LRRK1: variants seen among roughly 807,000 people sequenced by gnomAD.
LRRK1 encodes the protein leucine-rich repeat serine/threonine-protein kinase 1.
A neutral mutation model predicts 209.1 loss-of-function variants in LRRK1; 113 were observed. The observed-to-expected ratio is 0.54, with a 90% CI of 0.46 to 0.63. The LOEUF (loss-of-function observed/expected upper bound fraction) is 0.63. LRRK1 is among the 30% of genes least tolerant of loss of function. The pLI is 0.00. For missense variants in LRRK1, 2,284 were observed against 2,632.2 expected (o/e 0.87, Z 2.89); for synonymous variants, 1,144 against 1,099.7 (o/e 1.04, Z -0.80).
intron 6 of LRRK1, 137 bp from the exon 7 acceptor site, chr15:101,008,700 A>G: frequency 3.0e-6 from 2 of 676,162 alleles, no homozygotes; most frequent in Non-Finnish European, 5.2e-6. Context: ...GCCGAGAAGG[A>G]CATGTGCAGG....
At position 101,021,775 on chromosome 15, in the gene LRRK1, C is replaced by CGT. The variant is rs3031683; in HGVS notation, c.1740-33_1740-32dup. On this transcript the variant is annotated intron_variant, in intron 13 of 33. Coordinates refer to ENST00000388948, the MANE Select transcript of LRRK1 (RefSeq NM_024652.6). The stretch of plus-strand genomic sequence containing the variant: ...GAGGCTGACAGGAGCCACGTGTGTG[C>CGT]GTGTGTGTGTGTGTGTGTGTGTGTG... 8.7e-4 allele frequency: 743 copies of CGT among 856,986 alleles called. 5 individuals are homozygous for CGT. The African/African-American group carries it at 0.011, about 13-fold the overall frequency. 53.1% of individuals were successfully genotyped at this position (856,986 alleles called of 1,614,324 possible). A position where few individuals can be genotyped will look rare whatever the true frequency, so the allele number is the denominator to read the frequency against.
rs142994893 is a variant in LRRK1, at chr15:101,058,526, A to G, written c.4679+385A>G. ...CATCTTTTAAAAAATTAGAAAATTT[A>G]AAACATTTTTAAAAACGAAATGAGG... On this transcript the variant is annotated intron_variant, in intron 29 of 33. Transcript: ENST00000388948. 3.2e-4 allele frequency among the ~76,000 whole-genome samples: 48 copies of G among 149,012 alleles called. No individual in the cohort carries two copies. In the East Asian group the frequency reaches 8.0e-3, roughly 25 times the overall value.
chr15:101,066,533 C>G lies in LRRK1; in HGVS notation c.5769-107C>G, dbSNP rs374696194. On this transcript the variant is annotated intron_variant, in intron 32 of 33. Coordinates refer to ENST00000388948, the MANE Select transcript of LRRK1 (RefSeq NM_024652.6). ...CCATAACTTAATCCCTTAGCAGAAACTGCATGTCTGTTGCCTCCCTCCCGC... is the reference window on the plus strand; with the variant it reads ...CCATAACTTAATCCCTTAGCAGAAAGTGCATGTCTGTTGCCTCCCTCCCGC... 8.0e-6 allele frequency: 8 copies of G among 1,001,244 alleles called. 1 individual carries two copies. The highest frequency in any genetic ancestry group is 2.1e-4 in the Middle Eastern group (1 of 4,764). The allele number at this position is 1,001,244 out of a possible 1,614,324, so 62.0% of individuals were successfully genotyped here.
At chr15:101,010,369 C>A in intron 7 of LRRK1, 81 bp from the exon 8 acceptor site, 2 of 1,502,682 alleles carry the variant, frequency 1.3e-6, no homozygotes, top group South Asian at 1.3e-5. Flanking sequence ...AAAAATACAC[C>A]TCTTGGTTTA....
At chr15:101,058,503 T>C (rs1387095217) in intron 29 of LRRK1, among the ~76,000 whole-genome samples, 1 of 151,408 alleles carries the variant, frequency 6.6e-6, no homozygotes. Flanking sequence ...CAAGACCCCA[T>C]CTTTTAAAAA....
At chr15:101,044,824 C>T (rs527372191) in intron 20 of LRRK1, among the ~76,000 whole-genome samples, 7 of 152,308 alleles carry the variant, frequency 4.6e-5, no homozygotes, top group South Asian at 2.1e-4. Flanking sequence ...ACAGCAGGCA[C>T]GGCCCAGGGC....
At chr15:100,948,858 G>A (rs2042592348) in intron 2 of LRRK1, among the ~76,000 whole-genome samples, 1 of 152,106 alleles carries the variant, frequency 6.6e-6, no homozygotes, top group Non-Finnish European at 1.5e-5. Context: ...TAACACTTAA[G>A]GGATACAGCT....
intron 1 of LRRK1, among the ~76,000 whole-genome samples, chr15:100,920,743 G>A (rs2042006396): frequency 6.8e-6 from 1 of 147,972 alleles, no homozygotes; most frequent in South Asian, 2.1e-4. Context: ...ATATAGCAGC[G>A]TGCGTCTGTG....
chr15:101,039,751 G>A (rs1381641908), intron 20 of LRRK1, among the ~76,000 whole-genome samples: 3 of 152,168 alleles, frequency 2.0e-5, no homozygotes, highest in Admixed American at 1.3e-4. Context: ...GATTGAGGAA[G>A]TTCCCTTTTA....
intron 3 of LRRK1, among the ~76,000 whole-genome samples, chr15:100,978,877 A>AT (rs11435350): frequency 0.93 from 141,136 of 152,154 alleles, 65,495 homozygotes; most frequent in East Asian, 0.99. Context: ...AAAAGGGAAC[A>AT]TTTTTTAACA....
chr15:100,941,454 GTCTATGTC>G (rs1388381387), intron 2 of LRRK1, among the ~76,000 whole-genome samples: 1 of 88,070 alleles, frequency 1.1e-5, no homozygotes, highest in African/African-American at 7.1e-5. Flanking sequence ...GTCTGTGTGT[GTCTATGTC>G]TCTGTGTGTG....
chr15:100,990,343 T>C (rs756716290), intron 6 of LRRK1, among the ~76,000 whole-genome samples: 12 of 152,178 alleles, frequency 7.9e-5, no homozygotes, highest in Non-Finnish European at 1.8e-4. Flanking sequence ...ATAGTTCTTT[T>C]TTTTTTCCTG....
chr15:100,938,270 G>A (rs960997259), intron 2 of LRRK1, among the ~76,000 whole-genome samples: 36 of 141,898 alleles, frequency 2.5e-4, no homozygotes, highest in Admixed American at 2.4e-3. Context: ...TATCACACAT[G>A]GGCAATCTTT....
At chr15:101,028,908 TC>T in intron 19 of LRRK1, 47 bp from the exon 20 acceptor site, 2 of 1,595,078 alleles carry the variant, frequency 1.3e-6, no homozygotes, top group Non-Finnish European at 1.7e-6. Context: ...AGAGTCCCTT[TC>T]GCTCCTTTGT....
chr15:100,995,269 C>T (rs2032351072), intron 6 of LRRK1, among the ~76,000 whole-genome samples: 1 of 152,142 alleles, frequency 6.6e-6, no homozygotes, highest in Non-Finnish European at 1.5e-5. Context: ...CACAGCCGAC[C>T]CAGGTACAGC....
chr15:101,054,274 A>T (rs1404479690), intron 26 of LRRK1, among the ~76,000 whole-genome samples: 1 of 152,206 alleles, frequency 6.6e-6, no homozygotes, highest in Non-Finnish European at 1.5e-5. Flanking sequence ...CGCCCAGCCA[A>T]ACAAAATGCT....
At chr15:100,976,405 A>T (rs1056264517) in intron 3 of LRRK1, among the ~76,000 whole-genome samples, 9 of 152,254 alleles carry the variant, frequency 5.9e-5, no homozygotes, top group African/African-American at 2.2e-4. Context: ...AGATATTCAG[A>T]TAGATGGTAC....
Position 101,015,379 on chromosome 15 carries a change from G to A in LRRK1, c.1586G>A (p.Arg529His). ...KRIAFFTTRG[R>H]QRSGTEAASV... ...ATTGCCTTTTTCACCACCAGAGGTC[G>A]CCAGCGCTCCGGGACTGAGGCAGGT... The change falls in exon 12 of 34, where the codon CGC (arginine) becomes CAC (histidine). Residue 529 changes from arginine to histidine, a missense_variant. Coordinates refer to ENST00000388948, the MANE Select transcript of LRRK1 (RefSeq NM_024652.6). The A allele has an allele frequency of 2.5e-6, 4 of 1,613,600 alleles. No homozygotes were observed. Among genetic ancestry groups the A allele is most frequent in the Non-Finnish European group, 3.4e-6 (4 of 1,179,738 alleles).
intron 6 of LRRK1, among the ~76,000 whole-genome samples, chr15:100,992,202 C>G (rs1372021638): frequency 3.3e-5 from 5 of 152,006 alleles, no homozygotes; most frequent in African/African-American, 1.2e-4. Context: ...GGGAACTTTC[C>G]ATCTTATTAT....
Sources: gnomAD v4.1 joint callset for allele counts (sites outside exome capture counted in the v4.1 genomes callset) on GRCh38, gnomAD v4.1.1 for gene constraint, MANE v1.5 for transcripts, NCBI Gene and HGNC (gene_info 2026-07-23, HGNC 2026-07-21) for gene names.